RNF217: variants seen among roughly 807,000 people sequenced by gnomAD.
The protein encoded by RNF217 is E3 ubiquitin-protein ligase RNF217.
RNF217 carries 31 observed loss-of-function variants against 57.8 expected under a neutral mutation model. That is an observed-to-expected ratio of 0.54 (90% CI 0.40 to 0.72). RNF217 has a LOEUF of 0.72. Among genes scored for constraint, RNF217 ranks in the 30% least tolerant of loss-of-function variants. RNF217 has a pLI of 0.00. For synonymous variants in RNF217, 313 were observed against 294.0 expected, an observed-to-expected ratio of 1.06 and a Z score of -0.66; for missense variants, 696 against 708.3, an observed-to-expected ratio of 0.98 and a Z score of 0.20.
intron 1 of RNF217, among the ~76,000 whole-genome samples, chr6:125,023,375 A>G (rs1321217616): frequency 6.6e-6 from 1 of 152,194 alleles, no homozygotes; most frequent in African/African-American, 2.4e-5. Flanking sequence ...CCTGAACACA[A>G]GGGCATTATT....
At chr6:125,011,135 GAACTC>G (rs2114355371) in intron 1 of RNF217, among the ~76,000 whole-genome samples, 1 of 152,206 alleles carries the variant, frequency 6.6e-6, no homozygotes, top group Non-Finnish European at 1.5e-5. Flanking sequence ...GAAGGAAGAA[GAACTC>G]CAAAGATAAG....
chr6:124,973,854 A>G lies in RNF217; in HGVS notation c.882+10428A>G, dbSNP rs535407573. On this transcript the variant is annotated intron_variant, in intron 1 of 5. Transcript: ENST00000521654. ...AGAACGATTTTATTTTGATGATGAC[A>G]TTGTGGGTCAGGAATTTGGGAAGGC... Among the ~76,000 whole-genome samples the G allele has an allele frequency of 1.6e-4, 24 of 152,284 alleles. 1 individual carries two copies. The South Asian group carries it at 4.4e-3, about 28-fold the overall frequency.
intron 3 of RNF217, 139 bp from the exon 4 acceptor site, chr6:125,076,518 C>G (rs1788377670): frequency 3.2e-6 from 2 of 623,446 alleles, no homozygotes; most frequent in South Asian, 1.9e-5. Context: ...TGATTATAAG[C>G]AAATTCACAG....
At chr6:125,011,645 A>G (rs1412598200) in intron 1 of RNF217, among the ~76,000 whole-genome samples, 1 of 152,170 alleles carries the variant, frequency 6.6e-6, no homozygotes, top group African/African-American at 2.4e-5. Flanking sequence ...ATTAGATCCC[A>G]TAGTTTTATA....
chr6:124,975,807 G>A (rs1286713223), intron 1 of RNF217, among the ~76,000 whole-genome samples: 1 of 151,938 alleles, frequency 6.6e-6, no homozygotes, highest in East Asian at 1.9e-4. Context: ...AGATGCTCTT[G>A]GTGGAAAACA....
At chr6:124,991,613 C>G (rs1190807357) in intron 1 of RNF217, among the ~76,000 whole-genome samples, 1 of 152,094 alleles carries the variant, frequency 6.6e-6, no homozygotes, top group Non-Finnish European at 1.5e-5. Flanking sequence ...ATTCATGAGG[C>G]CTGAGTGCTT....
At position 125,090,484 on chromosome 6, in the gene RNF217, T is replaced by C. The variant is rs144425894; in HGVS notation, c.*7547T>C. The C allele has an allele frequency of 1.3e-5, 2 of 151,890 alleles. No individual in the cohort carries two copies. The highest frequency in any genetic ancestry group is 3.9e-4 in the East Asian group (2 of 5,174). The allele number at this position is 151,890 out of a possible 1,614,324, so 9.4% of individuals were successfully genotyped here. A position where few individuals can be genotyped will look rare whatever the true frequency, so the allele number is the denominator to read the frequency against. On this transcript the variant is annotated 3_prime_UTR_variant, in exon 6 of 6. Coordinates refer to ENST00000521654, the MANE Select transcript of RNF217 (RefSeq NM_001286398.3). ...CATTCTTTTCCCAAATAGAGTAAAA[T>C]ATTAAAGAGAAAAAAATTCGAGTGT...
Position 125,092,591 on chromosome 6 carries a change from A to G in RNF217, c.*9654A>G, listed in dbSNP as rs979006316. 3 of 152,334 alleles carry G rather than the reference A, an allele frequency of 2.0e-5. No individual in the cohort carries two copies. The highest frequency in any genetic ancestry group is 6.5e-5 in the Admixed American group (1 of 15,298). 9.4% of individuals were successfully genotyped at this position (152,334 alleles called of 1,614,324 possible). On this transcript the variant is annotated 3_prime_UTR_variant, in exon 6 of 6. Coordinates refer to ENST00000521654, the MANE Select transcript of RNF217 (RefSeq NM_001286398.3). ...CATGATGTGTGCAATACATCATGCAATGTTATTTAGCAATGCGTAATAAAA... is the reference window on the plus strand; with the variant it reads ...CATGATGTGTGCAATACATCATGCAGTGTTATTTAGCAATGCGTAATAAAA...
At chr6:124,974,782 G>A (rs1288521016) in intron 1 of RNF217, among the ~76,000 whole-genome samples, 2 of 152,166 alleles carry the variant, frequency 1.3e-5, no homozygotes, top group Admixed American at 1.3e-4. Context: ...TTGTGAAATT[G>A]GCCTACAGTT....
intron 1 of RNF217, among the ~76,000 whole-genome samples, chr6:125,019,185 G>A (rs1334784042): frequency 2.0e-5 from 3 of 152,250 alleles, no homozygotes; most frequent in East Asian, 3.9e-4. Flanking sequence ...ACACCTCCAC[G>A]AGGAGGTTGT....
intron 1 of RNF217, among the ~76,000 whole-genome samples, chr6:124,994,362 T>C (rs931957787): frequency 2.0e-5 from 3 of 152,188 alleles, no homozygotes; most frequent in African/African-American, 7.2e-5. Context: ...TTTCAGTATG[T>C]ATCTCCCTAA....
intron 2 of RNF217, among the ~76,000 whole-genome samples, chr6:125,057,612 C>G (rs1199663144): frequency 1.3e-5 from 2 of 152,114 alleles, no homozygotes; most frequent in Non-Finnish European, 2.9e-5. Context: ...TAAAGGGCAG[C>G]CTGAGTGTGT....
chr6:124,989,122 A>T (rs1317404012), intron 1 of RNF217, among the ~76,000 whole-genome samples: 2 of 151,940 alleles, frequency 1.3e-5, no homozygotes, highest in African/African-American at 4.8e-5. Context: ...TTGCATGTTT[A>T]CATTTTGTGA....
At chr6:125,021,703 AT>A (rs1047328567) in intron 1 of RNF217, among the ~76,000 whole-genome samples, 1 of 152,072 alleles carries the variant, frequency 6.6e-6, no homozygotes, top group African/African-American at 2.4e-5. Flanking sequence ...ACAAAGCCTG[AT>A]TTTTTCCCCA....
chr6:125,005,240 G>A (rs1785135061), intron 1 of RNF217, among the ~76,000 whole-genome samples: 1 of 152,180 alleles, frequency 6.6e-6, no homozygotes, highest in African/African-American at 2.4e-5. Flanking sequence ...CTATGGAAAG[G>A]ACTGATGTAA....
chr6:125,024,254 T>A (rs1785974896), intron 1 of RNF217, among the ~76,000 whole-genome samples: 1 of 152,052 alleles, frequency 6.6e-6, no homozygotes, highest in Non-Finnish European at 1.5e-5. Flanking sequence ...CGGGAGGGGA[T>A]ATTACTTTGC....
At chr6:125,002,675 CCCT>C (rs1379500917) in intron 1 of RNF217, among the ~76,000 whole-genome samples, 1 of 152,142 alleles carries the variant, frequency 6.6e-6, no homozygotes, top group African/African-American at 2.4e-5. Context: ...TGCTAGGTCT[CCCT>C]CCTCCTTTCT....
At chr6:125,010,900 A>T (rs1785390205) in intron 1 of RNF217, among the ~76,000 whole-genome samples, 1 of 152,168 alleles carries the variant, frequency 6.6e-6, no homozygotes, top group African/African-American at 2.4e-5. Context: ...AAAATTCTGC[A>T]GTTAAATACT....
intron 1 of RNF217, among the ~76,000 whole-genome samples, chr6:125,016,455 A>C (rs1416060055): frequency 6.6e-6 from 1 of 152,172 alleles, no homozygotes; most frequent in African/African-American, 2.4e-5. Flanking sequence ...ATTATTGACC[A>C]TTCCATTATT....
Sources: allele counts gnomAD v4.1 joint callset (sites outside exome capture counted in the v4.1 genomes callset), GRCh38; gene constraint gnomAD v4.1.1; transcripts MANE v1.5; gene names NCBI Gene and HGNC (gene_info 2026-07-23, HGNC 2026-07-21).